MGAT4C: variants seen among roughly 807,000 people sequenced by gnomAD.
MGAT4C encodes alpha-1,3-mannosyl-glycoprotein 4-beta-N-acetylglucosaminyltransferase C.
A neutral mutation model predicts 40.1 loss-of-function variants in MGAT4C; 19 were observed. The ratio of observed to expected loss-of-function variants is 0.47; its 90% CI spans 0.33 to 0.70. The LOEUF (loss-of-function observed/expected upper bound fraction) is 0.70, where lower values mean the gene tolerates loss of function less well. Ranked by LOEUF, MGAT4C falls within the 30% of genes least tolerant of loss-of-function variation. The probability of loss-of-function intolerance (pLI) is 0.02; values close to 1 mark genes in which losing one functional copy is unlikely to be tolerated. For synonymous variants in MGAT4C, 181 were observed against 187.1 expected (o/e 0.97, Z 0.27); for missense variants, 491 against 563.2 (o/e 0.87, Z 1.30).
At chr12:86,468,879 A>G (rs938565969) in intron 2 of MGAT4C, among the ~76,000 whole-genome samples, 1 of 152,078 alleles carries the variant, frequency 6.6e-6, no homozygotes, top group African/African-American at 2.4e-5. Flanking sequence ...TGTAAATTAC[A>G]TTTTTAACAC....
At chr12:86,776,565 G>A (rs186637534) in intron 1 of MGAT4C, among the ~76,000 whole-genome samples, 1 of 152,114 alleles carries the variant, frequency 6.6e-6, no homozygotes, top group Non-Finnish European at 1.5e-5. Flanking sequence ...TGATCATTTA[G>A]AGCAATGTCT....
intron 1 of MGAT4C, among the ~76,000 whole-genome samples, chr12:86,143,210 C>T (rs943238807): frequency 9.9e-5 from 15 of 152,138 alleles, no homozygotes; most frequent in Non-Finnish European, 2.2e-4. Flanking sequence ...TACCTGGGAT[C>T]CTCCAAATTT....
chr12:86,456,609 T>C (rs1368999420), intron 2 of MGAT4C, among the ~76,000 whole-genome samples: 3 of 152,102 alleles, frequency 2.0e-5, no homozygotes, highest in Admixed American at 2.0e-4. Context: ...TAAGAGATCA[T>C]AAACTAGAGG....
chr12:86,338,951 T>C (rs1592714553), intron 3 of MGAT4C, among the ~76,000 whole-genome samples: 1 of 76,092 alleles, frequency 1.3e-5, no homozygotes. Context: ...AGAGTGAGAC[T>C]CCATCTCAAA....
chr12:86,456,605 A>G lies in MGAT4C; in HGVS notation c.-228-21340T>C, dbSNP rs138195576. Among the ~76,000 whole-genome samples, 1,018 of 152,180 alleles carry G rather than the reference A, an allele frequency of 6.7e-3. 11 individuals carry two copies. Among genetic ancestry groups the G allele is most frequent in the African/African-American group, 0.023 (971 of 41,530 alleles). On this transcript the variant is annotated intron_variant, in intron 2 of 7. Coordinates refer to the MGAT4C transcript ENST00000548651. The stretch of plus-strand genomic sequence containing the variant: ...AGAATATAATCTGATAAAGTAAGAG[A>G]TCATAAACTAGAGGCAGATTTTAAT...
chr12:86,279,559 A>G (rs1054597046), intron 4 of MGAT4C, among the ~76,000 whole-genome samples: 9 of 151,292 alleles, frequency 5.9e-5, no homozygotes, highest in African/African-American at 2.2e-4. Flanking sequence ...TTCTTAGTCT[A>G]TCAACTTTGC....
At chr12:86,170,962 A>G (rs184084035) in intron 1 of MGAT4C, among the ~76,000 whole-genome samples, 142 of 152,276 alleles carry the variant, frequency 9.3e-4, no homozygotes, top group Non-Finnish European at 1.6e-3. Flanking sequence ...TAATCATAAG[A>G]TATCTGAACT....
intron 4 of MGAT4C, among the ~76,000 whole-genome samples, chr12:86,301,433 A>G (rs946789385): frequency 1.3e-5 from 2 of 152,170 alleles, no homozygotes; most frequent in Admixed American, 1.3e-4. Flanking sequence ...AGTTCATACT[A>G]TGGTTATCAT....
rs17013980 is a variant in MGAT4C at position 86,378,331 on chromosome 12, G to A, written c.-119-44204C>T. Among the ~76,000 whole-genome samples, 799 of 152,248 alleles carry A rather than the reference G, an allele frequency of 5.2e-3. 7 individuals are homozygous for A. The highest frequency in any genetic ancestry group is 0.018 in the African/African-American group (766 of 41,550). ...CTGGTTATATGAATGACCACAGTGT[G>A]TTGGTATTTACATGGGACTTGAATT... is the stretch of plus-strand genomic sequence containing the variant. On this transcript the variant is annotated intron_variant, in intron 3 of 7. Transcript: ENST00000548651.
intron 1 of MGAT4C, among the ~76,000 whole-genome samples, chr12:86,135,536 G>A (rs1252775748): frequency 6.6e-6 from 1 of 152,068 alleles, no homozygotes; most frequent in African/African-American, 2.4e-5. Flanking sequence ...ACTTAAAAAA[G>A]TAAGGGGGGG....
intron 2 of MGAT4C, among the ~76,000 whole-genome samples, chr12:86,711,109 C>T (rs1057341461): frequency 3.9e-5 from 6 of 152,044 alleles, no homozygotes; most frequent in Non-Finnish European, 8.8e-5. Flanking sequence ...GTGACAGGTA[C>T]ACCAAAATCT....
At chr12:86,092,855 C>T (rs910189463) in intron 1 of MGAT4C, among the ~76,000 whole-genome samples, 6 of 151,974 alleles carry the variant, frequency 3.9e-5, no homozygotes, top group Non-Finnish European at 8.8e-5. Context: ...TCCAATCACC[C>T]TCTTTTTTTT....
At chr12:86,289,967 T>G (rs2136126938) in intron 4 of MGAT4C, among the ~76,000 whole-genome samples, 2 of 152,288 alleles carry the variant, frequency 1.3e-5, no homozygotes, top group East Asian at 3.9e-4. Flanking sequence ...CCATGCTTTC[T>G]TTTTTCCTTA....
Position 86,013,717 on chromosome 12 carries a change from A to C in MGAT4C, c.-6-24165T>G, listed in dbSNP as rs148922035. The C allele has an allele frequency of 5.9e-4, 584 of 985,098 alleles. 3 individuals carry two copies. In the African/African-American group the frequency reaches 9.7e-3, roughly 16 times the overall value. 61.0% of individuals were successfully genotyped at this position (985,098 alleles called of 1,614,324 possible). A position where few individuals can be genotyped will look rare whatever the true frequency, so the allele number is the denominator to read the frequency against. On this transcript the variant is annotated intron_variant, in intron 2 of 4. Transcript: ENST00000611864. The stretch of plus-strand genomic sequence containing the variant: ...CTACTGTTTACAAACCACCAACAAA[A>C]AGAACATACGGCTTTTCTAGTGTCA...
chr12:86,747,921 C>T (rs1252831197), intron 1 of MGAT4C, among the ~76,000 whole-genome samples: 2 of 151,538 alleles, frequency 1.3e-5, no homozygotes, highest in Non-Finnish European at 3.0e-5. Context: ...ATGTGGGATG[C>T]TAAAGTCTTT....
chr12:86,297,885 G>C (rs1387880748), intron 4 of MGAT4C, among the ~76,000 whole-genome samples: 1 of 152,130 alleles, frequency 6.6e-6, no homozygotes, highest in East Asian at 1.9e-4. Context: ...AGAGCTTGAT[G>C]TTTGATAAAC....
At chr12:86,451,757 T>C (rs1476425564) in intron 2 of MGAT4C, among the ~76,000 whole-genome samples, 2 of 152,142 alleles carry the variant, frequency 1.3e-5, no homozygotes, top group Non-Finnish European at 1.5e-5. Flanking sequence ...TATACATTAA[T>C]GCTCTCTTTT....
chr12:86,179,524 A>G (rs1887879087), intron 1 of MGAT4C, among the ~76,000 whole-genome samples: 1 of 152,210 alleles, frequency 6.6e-6, no homozygotes, highest in African/African-American at 2.4e-5. Context: ...AGACTTGTTG[A>G]ATGGCTTTGA....
At chr12:86,191,893 A>G (rs988626161) in intron 1 of MGAT4C, among the ~76,000 whole-genome samples, 2 of 149,794 alleles carry the variant, frequency 1.3e-5, no homozygotes, top group African/African-American at 4.9e-5. Flanking sequence ...GCACATATAC[A>G]CCATCCAATA....
Sources: allele counts gnomAD v4.1 joint callset (sites outside exome capture counted in the v4.1 genomes callset), GRCh38; gene constraint gnomAD v4.1.1; transcripts MANE v1.5; gene names NCBI Gene and HGNC (gene_info 2026-07-23, HGNC 2026-07-21).